The following PITPNC1 variants were observed in gnomAD, a reference collection of about 807,000 sequenced individuals.
PITPNC1 encodes cytoplasmic phosphatidylinositol transfer protein 1.
Under a neutral mutation model 44.7 loss-of-function variants are expected in PITPNC1, and 18 were observed. The ratio of observed to expected loss-of-function variants is 0.40; its 90% CI spans 0.28 to 0.60. The LOEUF is 0.60. Ranked by LOEUF, PITPNC1 falls within the 20% of genes least tolerant of loss-of-function variation. PITPNC1 has a pLI of 0.39. For synonymous variants in PITPNC1, 141 were observed against 149.6 expected (o/e 0.94, Z 0.42); for missense variants, 290 against 418.4 (o/e 0.69, Z 2.68).
intron 1 of PITPNC1, among the ~76,000 whole-genome samples, chr17:67,403,809 G>A (rs56039729): frequency 0.22 from 34,017 of 152,048 alleles, 4,031 homozygotes; most frequent in Non-Finnish European, 0.26. Flanking sequence ...ATCACCTGAG[G>A]TCAGGAGTTT....
intron 1 of PITPNC1, among the ~76,000 whole-genome samples, chr17:67,383,424 G>A (rs889762113): frequency 6.6e-6 from 1 of 152,198 alleles, no homozygotes; most frequent in Non-Finnish European, 1.5e-5. Flanking sequence ...GGACCCATGT[G>A]TAAAGCAGGT....
At position 67,563,739 on chromosome 17, in the gene PITPNC1, T is replaced by G. The variant is rs1344627884; in HGVS notation, c.294+10122T>G. Among the ~76,000 whole-genome samples, 5 of 152,334 alleles carry G rather than the reference T, an allele frequency of 3.3e-5. No homozygotes were observed. In the East Asian group the frequency reaches 9.6e-4, roughly 29 times the overall value. ...CTCTAAAGACCATGAATAAGTGTGA[T>G]GTATGTGGGACAGGAACCACTTGAA... On this transcript the variant is annotated intron_variant, in intron 4 of 8. Transcript: ENST00000581322.
At chr17:67,554,253 ATTTTTT>A (rs11413972) in intron 4 of PITPNC1, among the ~76,000 whole-genome samples, 1 of 111,128 alleles carries the variant, frequency 9.0e-6, no homozygotes, top group African/African-American at 3.4e-5. Context: ...ATAGTTTATG[ATTTTTT>A]TTTTTTTTTT....
intron 1 of PITPNC1, among the ~76,000 whole-genome samples, chr17:67,485,450 C>A (rs957283789): frequency 6.6e-6 from 1 of 151,086 alleles, no homozygotes; most frequent in Admixed American, 6.6e-5. Flanking sequence ...CAGCAACCTC[C>A]GCCTCCTGGA....
In PITPNC1 at chr17:67,597,136, C is replaced by T. The variant is rs891250647; in HGVS notation, c.366+18879C>T. ...CTTGAACCCCTGGGCTCAAGTGATGCCCCCACCTTGGCCTCCCAAACTGCT... is the reference window on the plus strand; with the variant it reads ...CTTGAACCCCTGGGCTCAAGTGATGTCCCCACCTTGGCCTCCCAAACTGCT... On this transcript the variant is annotated intron_variant, in intron 5 of 8. Transcript: ENST00000581322. The surrounding 1 kb of genome is among the most constrained non-coding windows in gnomAD (Gnocchi z 4.0). Among the ~76,000 whole-genome samples, 3 of 152,058 alleles carry T rather than the reference C, an allele frequency of 2.0e-5. No individual in the cohort carries two copies. The highest frequency in any genetic ancestry group is 1.3e-4 in the Admixed American group (2 of 15,274).
intron 5 of PITPNC1, among the ~76,000 whole-genome samples, chr17:67,605,003 C>G (rs540560126): frequency 1.3e-5 from 2 of 152,000 alleles, no homozygotes; most frequent in Admixed American, 1.3e-4. Context: ...CGTTTGAAAC[C>G]GGGAAGCAGA....
chr17:67,530,693 T>C (rs895865971), intron 1 of PITPNC1, among the ~76,000 whole-genome samples: 2 of 152,192 alleles, frequency 1.3e-5, no homozygotes, highest in African/African-American at 4.8e-5. Flanking sequence ...TAATATCCCA[T>C]TGCATGTAAA....
chr17:67,482,181 T>C (rs946537135), intron 1 of PITPNC1, among the ~76,000 whole-genome samples: 1 of 152,234 alleles, frequency 6.6e-6, no homozygotes, highest in African/African-American at 2.4e-5. Context: ...ACATGATCTT[T>C]AACATAAAAT....
intron 4 of PITPNC1, among the ~76,000 whole-genome samples, chr17:67,571,990 C>G (rs1442992099): frequency 6.6e-6 from 1 of 152,216 alleles, no homozygotes; most frequent in African/African-American, 2.4e-5. Context: ...AGAATTCTGT[C>G]TGCCGTGGGT....
At chr17:67,378,557 G>C (rs1430101429) in intron 1 of PITPNC1, among the ~76,000 whole-genome samples, 1 of 152,152 alleles carries the variant, frequency 6.6e-6, no homozygotes, top group South Asian at 2.1e-4. Context: ...CTGGGGTTTG[G>C]GGGGCATCCC....
chr17:67,394,700 G>A (rs1368778936), intron 1 of PITPNC1, among the ~76,000 whole-genome samples: 5 of 152,038 alleles, frequency 3.3e-5, no homozygotes, highest in Non-Finnish European at 7.4e-5. Context: ...TCAGGAGATC[G>A]AGACCATCCT....
At chr17:67,619,341 ATAT>A (rs2144309334) in intron 5 of PITPNC1, among the ~76,000 whole-genome samples, 1 of 152,244 alleles carries the variant, frequency 6.6e-6, no homozygotes, top group East Asian at 1.9e-4. Context: ...ATAGAGAGAA[ATAT>A]TATTCAGTGA....
chr17:67,643,243 G>T (rs1423382952), intron 6 of PITPNC1, among the ~76,000 whole-genome samples: 1 of 152,150 alleles, frequency 6.6e-6, no homozygotes, highest in Non-Finnish European at 1.5e-5. Context: ...AAAATTAGCT[G>T]GGCATGGCGG....
rs1567757487 is a variant in PITPNC1 at position 67,647,463 on chromosome 17, G to GTTTTTTTTT, written c.462+15225_462+15226insTTTTTTTTT. ...ACACCATCACACCCAGCTAATTTTG[G>GTTTTTTTTT]GTTTTTTTTTTTTTTTTTTTTTTTT... On this transcript the variant is annotated intron_variant, in intron 6 of 8. Transcript: ENST00000581322. Among the ~76,000 whole-genome samples the GTTTTTTTTT allele has an allele frequency of 9.2e-4, 83 of 90,602 alleles. 8 individuals are homozygous for GTTTTTTTTT. Among genetic ancestry groups the GTTTTTTTTT allele is most frequent in the African/African-American group, 4.2e-3 (83 of 19,938 alleles). The allele number at this position is 90,602 out of a possible 152,430, so 59.4% of individuals were successfully genotyped here.
At chr17:67,590,548 T>TA (rs1348854906) in intron 5 of PITPNC1, among the ~76,000 whole-genome samples, 1 of 152,216 alleles carries the variant, frequency 6.6e-6, no homozygotes, top group African/African-American at 2.4e-5. Flanking sequence ...GATTTAGTAG[T>TA]AAACATCATT....
At chr17:67,672,521 C>G (rs1167774185) in intron 7 of PITPNC1, among the ~76,000 whole-genome samples, 1 of 151,726 alleles carries the variant, frequency 6.6e-6, no homozygotes, top group African/African-American at 2.4e-5. Context: ...ATCACTTGAA[C>G]CCAGGAAGTA....
intron 4 of PITPNC1, among the ~76,000 whole-genome samples, chr17:67,554,253 A>ATTTTTTTT (rs11413972): frequency 9.0e-6 from 1 of 111,128 alleles, no homozygotes; most frequent in Non-Finnish European, 1.8e-5. Context: ...ATAGTTTATG[A>ATTTTTTTT]TTTTTTTTTT....
chr17:67,400,059 G>A (rs1337450553), intron 1 of PITPNC1, among the ~76,000 whole-genome samples: 2 of 152,192 alleles, frequency 1.3e-5, no homozygotes, highest in African/African-American at 4.8e-5. Flanking sequence ...TCCATTTGTG[G>A]GGAGTGTGAA....
intron 1 of PITPNC1, among the ~76,000 whole-genome samples, chr17:67,464,832 C>T (rs772835643): frequency 2.6e-5 from 4 of 151,778 alleles, no homozygotes; most frequent in Admixed American, 6.6e-5. Flanking sequence ...GTCTGCCTCT[C>T]GGGTCCAAGC....
Sources: allele counts gnomAD v4.1 joint callset (sites outside exome capture counted in the v4.1 genomes callset), GRCh38; gene constraint gnomAD v4.1.1; non-coding constraint Gnocchi (gnomAD v3.1); transcripts MANE v1.5; gene names NCBI Gene and HGNC (gene_info 2026-07-23, HGNC 2026-07-21).